The following SMURF2 variants were observed in gnomAD, a reference collection of about 807,000 sequenced individuals.
The protein encoded by SMURF2 is E3 ubiquitin-protein ligase SMURF2.
SMURF2 carries 48 observed loss-of-function variants against 109.6 expected under a neutral mutation model. The observed-to-expected ratio is 0.44, with a 90% CI of 0.35 to 0.56. The LOEUF (loss-of-function observed/expected upper bound fraction) is 0.56, where lower values mean the gene tolerates loss of function less well. Ranked by LOEUF, SMURF2 falls within the 20% of genes least tolerant of loss-of-function variation. The pLI is 0.01. For synonymous variants in SMURF2, 288 were observed against 317.1 expected, an observed-to-expected ratio of 0.91 and a Z score of 0.97; for missense variants, 575 against 909.0, an observed-to-expected ratio of 0.63 and a Z score of 4.72.
At chr17:64,587,170 G>A (rs1210834933) in intron 5 of SMURF2, among the ~76,000 whole-genome samples, 22 of 151,988 alleles carry the variant, frequency 1.4e-4, no homozygotes, top group African/African-American at 5.1e-4. Flanking sequence ...GTGAGACTCC[G>A]TCTCAAAAAA....
chr17:64,570,891 C>T (rs1969388360), intron 10 of SMURF2, among the ~76,000 whole-genome samples: 2 of 152,148 alleles, frequency 1.3e-5, no homozygotes, highest in African/African-American at 2.4e-5. Flanking sequence ...AGAGATCCTC[C>T]CACCTCGGTG....
intron 1 of SMURF2, among the ~76,000 whole-genome samples, chr17:64,611,983 TTC>T (rs1183607881): frequency 2.0e-5 from 3 of 152,130 alleles, no homozygotes; most frequent in African/African-American, 7.2e-5. Flanking sequence ...TCACGTGCCA[TTC>T]TCTCTGCCTG....
chr17:64,561,416 G>A (rs2144604027), intron 12 of SMURF2, 84 bp downstream of exon 12: 9 of 844,578 alleles, frequency 1.1e-5, no homozygotes, highest in Middle Eastern at 2.3e-4. Flanking sequence ...AATAAATGTC[G>A]ATGAGAAAGT....
chr17:64,661,889 CGG>C lies in SMURF2; in HGVS notation c.-11_-10del. On this transcript the variant is annotated 5_prime_UTR_variant, in exon 1 of 19. Coordinates refer to ENST00000262435, the MANE Select transcript of SMURF2 (RefSeq NM_022739.4). ...CCTCCGGGGTTAGACATGTCCCCGGCGGCGGGGGCGGCGGGGGCGGCGGGCGG... is the reference window on the plus strand; with the variant it reads ...CCTCCGGGGTTAGACATGTCCCCGGCCGGGGGCGGCGGGGGCGGCGGGCGG... 8.9e-7 allele frequency: 1 copy of C among 1,122,154 alleles called. No individual in the cohort carries two copies. The highest frequency in any genetic ancestry group is 2.6e-5 in the African/African-American group (1 of 38,134). The allele number at this position is 1,122,154 out of a possible 1,614,324, so 69.5% of individuals were successfully genotyped here. A position where few individuals can be genotyped will look rare whatever the true frequency, so the allele number is the denominator to read the frequency against.
At chr17:64,626,305 A>C (rs1970268925) in intron 1 of SMURF2, among the ~76,000 whole-genome samples, 1 of 151,968 alleles carries the variant, frequency 6.6e-6, no homozygotes, top group South Asian at 2.1e-4. Flanking sequence ...ATATTCATGA[A>C]GGGTCATACA....
At chr17:64,559,310 A>C (rs1969174216) in intron 12 of SMURF2, among the ~76,000 whole-genome samples, 1 of 152,130 alleles carries the variant, frequency 6.6e-6, no homozygotes, top group South Asian at 2.1e-4. Context: ...AAAACAAAAA[A>C]CTGGGCTGGG....
Position 64,580,649 on chromosome 17 carries a change from A to C in SMURF2, c.772+140T>G. Reference sequence around the variant, plus strand: ...TCATCTACCACTTCAAAGACTTTTCAAAGTTGGGAGGTTTTATATTTATTT... The same window carrying C: ...TCATCTACCACTTCAAAGACTTTTCCAAGTTGGGAGGTTTTATATTTATTT... On this transcript the variant is annotated intron_variant, in intron 8 of 18. Coordinates refer to ENST00000262435, the MANE Select transcript of SMURF2 (RefSeq NM_022739.4). 4 of 828,812 alleles carry C rather than the reference A, an allele frequency of 4.8e-6. No homozygotes were observed. In the South Asian group the frequency reaches 7.2e-5, roughly 15 times the overall value. 51.3% of individuals were successfully genotyped at this position (828,812 alleles called of 1,614,324 possible).
In SMURF2 at chr17:64,555,886, T is replaced by G. The variant is rs1555684002; in HGVS notation, c.1544A>C (p.Lys515Thr). 1 of 1,613,768 alleles carries G rather than the reference T, an allele frequency of 6.2e-7. No homozygotes were observed. The highest frequency in any genetic ancestry group is 8.5e-7 in the Non-Finnish European group (1 of 1,179,770). ...CTCCATGTCATCCAAGGTAATTGACTTCCCAAGCAATTGCTTATAAAAAGG... is the reference window on the plus strand; with the variant it reads ...CTCCATGTCATCCAAGGTAATTGACGTCCCAAGCAATTGCTTATAAAAAGG... ...TLPFYKQLLG[K>T]SITLDDMELV... Residue 515 changes from lysine to threonine, a missense_variant, in exon 14 of 19, where the codon AAG becomes ACG. By Grantham distance (78) the Lys-to-Thr change is moderately conservative. This residue lies in a region of SMURF2 where 361 missense variants were observed against 612.1 expected (regional missense o/e 0.59). Transcript: ENST00000262435.
intron 16 of SMURF2, among the ~76,000 whole-genome samples, chr17:64,550,707 G>A (rs980000715): frequency 6.7e-6 from 1 of 149,922 alleles, no homozygotes; most frequent in Non-Finnish European, 1.5e-5. Flanking sequence ...TTGAATCCAG[G>A]AGGTGGAGGT....
intron 7 of SMURF2, among the ~76,000 whole-genome samples, chr17:64,582,410 C>T (rs1173751555): frequency 6.6e-6 from 1 of 152,164 alleles, no homozygotes; most frequent in Non-Finnish European, 1.5e-5. Flanking sequence ...GAAGGGGATT[C>T]AGCCACATAG....
chr17:64,545,924 G>A lies in SMURF2; in HGVS notation c.2171C>T (p.Pro724Leu), dbSNP rs782368903. 3.1e-6 allele frequency: 5 copies of A among 1,608,816 alleles called. No individual in the cohort carries two copies. The highest frequency in any genetic ancestry group is 2.6e-6 in the Non-Finnish European group (3 of 1,175,408). The change falls in exon 19 of 19, where the codon CCC becomes CTC. Residue 724 changes from proline (P) to leucine (L), a missense_variant. Physicochemically the swap from Pro to Leu is moderately conservative, Grantham distance 98. Transcript: ENST00000262435. ...HTCFNRIDIP[P>L]YESYEKLYEK... Reference sequence around the variant, plus strand: ...ATATAGCTTTTCATAGCTTTCATAGGGTGGAATGTCTATTCGATTGAAGCT... The same window carrying A: ...ATATAGCTTTTCATAGCTTTCATAGAGTGGAATGTCTATTCGATTGAAGCT...
chr17:64,644,662 A>G (rs1347626657), intron 1 of SMURF2, among the ~76,000 whole-genome samples: 1 of 151,714 alleles, frequency 6.6e-6, no homozygotes, highest in Admixed American at 6.6e-5. Context: ...CTGTAATCAC[A>G]GCACTTTGGG....
chr17:64,621,987 A>ATAATAAT lies in SMURF2; in HGVS notation c.53-15348_53-15347insATTATTA, dbSNP rs1555690691. Among the ~76,000 whole-genome samples, 135 of 132,530 alleles carry ATAATAAT rather than the reference A, an allele frequency of 1.0e-3. 1 individual carries two copies. Among genetic ancestry groups the ATAATAAT allele is most frequent in the African/African-American group, 3.4e-3 (125 of 37,100 alleles). The allele number at this position is 132,530 out of a possible 152,430, so 86.9% of individuals were successfully genotyped here. ...AATAATAATAATAATAATAATAATAAAAAAAAGCACTGTAGTGAGCCATCA... is the reference window on the plus strand; with the variant it reads ...AATAATAATAATAATAATAATAATAATAATAATAAAAAAGCACTGTAGTGAGCCATCA... On this transcript the variant is annotated intron_variant, in intron 1 of 18. Transcript: ENST00000262435.
chr17:64,646,375 TTC>T (rs1168191136), intron 1 of SMURF2, among the ~76,000 whole-genome samples: 1 of 148,682 alleles, frequency 6.7e-6, no homozygotes, highest in African/African-American at 2.5e-5. Flanking sequence ...CTTTTTTTTT[TTC>T]TTTCTTTTTT....
intron 11 of SMURF2, among the ~76,000 whole-genome samples, chr17:64,562,065 C>T (rs540042663): frequency 3.9e-4 from 59 of 151,816 alleles, no homozygotes; most frequent in African/African-American, 1.3e-3. Flanking sequence ...GAGGCTGAGG[C>T]GGGCATATCA....
In SMURF2 at chr17:64,613,485, G is replaced by A. The variant is rs563578314; in HGVS notation, c.53-6845C>T. 8.5e-5 allele frequency among the ~76,000 whole-genome samples: 13 copies of A among 152,236 alleles called. No homozygotes were observed. In the East Asian group the frequency reaches 2.5e-3, roughly 29 times the overall value. ...GAAGTTTCATTTCTGCTTTCTAAAT[G>A]TTTCTTAAAGAAAATAGGTAAAAAT... On this transcript the variant is annotated intron_variant, in intron 1 of 18. Transcript: ENST00000262435.
chr17:64,643,195 G>GT (rs1970513184), intron 1 of SMURF2, among the ~76,000 whole-genome samples: 1 of 151,766 alleles, frequency 6.6e-6, no homozygotes, highest in Admixed American at 6.6e-5. Context: ...GCTAATTTTT[G>GT]TTTTTTTGGT....
chr17:64,561,389 AT>A, intron 12 of SMURF2, 110 bp downstream of exon 12: 1 of 703,652 alleles, frequency 1.4e-6, no homozygotes. Context: ...TGATACAAAC[AT>A]TAGGGAATAA....
At chr17:64,614,624 T>C (rs1970097046) in intron 1 of SMURF2, among the ~76,000 whole-genome samples, 1 of 152,198 alleles carries the variant, frequency 6.6e-6, no homozygotes, top group Non-Finnish European at 1.5e-5. Context: ...GCAGAGATGA[T>C]CAAAATGAAC....
Sources: allele counts gnomAD v4.1 joint callset (sites outside exome capture counted in the v4.1 genomes callset), GRCh38; gene constraint gnomAD v4.1.1; regional missense constraint gnomAD v4.1.1; transcripts MANE v1.5; gene names NCBI Gene and HGNC (gene_info 2026-07-23, HGNC 2026-07-21).